Variants in EDEM3 observed in about 807,000 individuals in gnomAD.
EDEM3 encodes ER degradation-enhancing alpha-mannosidase-like protein 3.
EDEM3 carries 60 observed loss-of-function variants against 110.2 expected under a neutral mutation model. The observed-to-expected ratio is 0.54, with a 90% CI of 0.44 to 0.67. The LOEUF is 0.67. EDEM3 is among the 30% of genes least tolerant of loss of function. The pLI, the probability that EDEM3 is intolerant of heterozygous loss-of-function variation, is 0.00. For synonymous variants in EDEM3, 352 were observed against 382.9 expected (o/e 0.92, Z 0.94); for missense variants, 996 against 1,121.0 (o/e 0.89, Z 1.59).
chr1:184,730,636 T>C (rs1312158231), intron 6 of EDEM3, among the ~76,000 whole-genome samples: 1 of 152,148 alleles, frequency 6.6e-6, no homozygotes, highest in Non-Finnish European at 1.5e-5. Flanking sequence ...ATTTAAAATA[T>C]CAACTAGAAA....
intron 19 of EDEM3, chr1:184,701,389 T>G: frequency 2.2e-6 from 1 of 449,642 alleles, no homozygotes; most frequent in Non-Finnish European, 3.3e-6. Flanking sequence ...CAAGATATTA[T>G]CATGGTATCC....
intron 11 of EDEM3, among the ~76,000 whole-genome samples, chr1:184,718,475 A>G (rs1406030255): frequency 6.6e-6 from 1 of 152,056 alleles, no homozygotes; most frequent in Admixed American, 6.6e-5. Flanking sequence ...TCCAAAACAA[A>G]CACTTTAGGA....
At chr1:184,744,249 A>AAT (rs55959890) in intron 2 of EDEM3, among the ~76,000 whole-genome samples, 7,368 of 85,336 alleles carry the variant, frequency 0.086, 357 homozygotes, top group Non-Finnish European at 0.1. Context: ...ACAAATGACA[A>AAT]ATATATATAT....
chr1:184,704,543 C>A (rs1649803653), intron 18 of EDEM3, among the ~76,000 whole-genome samples: 1 of 144,386 alleles, frequency 6.9e-6, no homozygotes, highest in Non-Finnish European at 1.5e-5. Context: ...CCCAGCTACT[C>A]AGGAGGCTGA....
At position 184,700,998 on chromosome 1, in the gene EDEM3, T is replaced by G. The variant is rs577905795; in HGVS notation, c.2389+1813A>C. Among the ~76,000 whole-genome samples the G allele has an allele frequency of 1.7e-3, 266 of 152,106 alleles. 1 individual carries two copies. The highest frequency in any genetic ancestry group is 6.0e-3 in the African/African-American group (250 of 41,560). On this transcript the variant is annotated intron_variant, in intron 19 of 19. Coordinates refer to ENST00000318130, the MANE Select transcript of EDEM3 (RefSeq NM_025191.4). ...GACTAAAGTTTTCAAAAAATATCTT[T>G]TAAATAATGCCCTTTTAATGCAAGG...
intron 17 of EDEM3, 113 bp from the exon 18 acceptor site, chr1:184,706,921 A>T: frequency 9.2e-7 from 1 of 1,081,988 alleles, no homozygotes; most frequent in East Asian, 2.6e-5. Context: ...TTTTCTAATG[A>T]TAACGTATCT....
At chr1:184,729,038 G>T (rs907399101) in intron 6 of EDEM3, among the ~76,000 whole-genome samples, 1 of 152,154 alleles carries the variant, frequency 6.6e-6, no homozygotes, top group Non-Finnish European at 1.5e-5. Context: ...GGATCTAGGG[G>T]CTGGTAGATA....
chr1:184,752,977 A>C (rs183590534), intron 1 of EDEM3, among the ~76,000 whole-genome samples: 26 of 152,370 alleles, frequency 1.7e-4, no homozygotes, highest in African/African-American at 5.8e-4. Flanking sequence ...CATTAAATTC[A>C]TATGAGAGAA....
At chr1:184,752,943 A>G (rs1007075898) in intron 1 of EDEM3, among the ~76,000 whole-genome samples, 5 of 152,236 alleles carry the variant, frequency 3.3e-5, no homozygotes, top group African/African-American at 1.2e-4. Context: ...AGAGTGAGAT[A>G]TTTGGTAAAA....
chr1:184,706,997 C>G (rs1281608393), intron 17 of EDEM3, among the ~76,000 whole-genome samples, 189 bp from the exon 18 acceptor site: 1 of 152,146 alleles, frequency 6.6e-6, no homozygotes, highest in African/African-American at 2.4e-5. Flanking sequence ...ACCAATATTT[C>G]TAGTGTGCTT....
At chr1:184,719,709 TAA>T (rs1049193095) in intron 9 of EDEM3, 141 bp from the exon 10 acceptor site, 44 of 839,602 alleles carry the variant, frequency 5.2e-5, no homozygotes, top group Non-Finnish European at 6.5e-5. Flanking sequence ...TATAAATATT[TAA>T]GTTATTTTAG....
At chr1:184,733,218 C>T (rs571266479) in intron 5 of EDEM3, among the ~76,000 whole-genome samples, 3 of 152,120 alleles carry the variant, frequency 2.0e-5, no homozygotes, top group African/African-American at 7.2e-5. Context: ...AAGTGTTCTG[C>T]GTTCTTAAAT....
At chr1:184,737,941 TCC>T (rs1553274358) in intron 2 of EDEM3, among the ~76,000 whole-genome samples, 3 of 152,010 alleles carry the variant, frequency 2.0e-5, no homozygotes, top group Non-Finnish European at 4.4e-5. Flanking sequence ...CTGCTTCCCC[TCC>T]CCTCCCCAAT....
chr1:184,723,702 A>C (rs1297024086), intron 8 of EDEM3, 49 bp downstream of exon 8: 1 of 1,342,712 alleles, frequency 7.4e-7, no homozygotes, highest in Non-Finnish European at 1.0e-6. Context: ...TTATTTCCCA[A>C]CCATTTTGAG....
intron 2 of EDEM3, among the ~76,000 whole-genome samples, chr1:184,746,862 G>A (rs886371688): frequency 1.4e-4 from 21 of 152,252 alleles, no homozygotes; most frequent in Admixed American, 4.6e-4. Flanking sequence ...TTAAAAGCCT[G>A]CCATGTACCA....
intron 2 of EDEM3, among the ~76,000 whole-genome samples, chr1:184,743,007 T>A (rs1008072893): frequency 6.6e-6 from 1 of 152,174 alleles, no homozygotes; most frequent in Non-Finnish European, 1.5e-5. Flanking sequence ...CATACCTCTG[T>A]CTGAAATTAA....
intron 2 of EDEM3, among the ~76,000 whole-genome samples, chr1:184,739,322 AATTAAG>A (rs1362967342): frequency 6.7e-6 from 1 of 149,176 alleles, no homozygotes; most frequent in African/African-American, 2.4e-5. Context: ...TCATTAAAAT[AATTAAG>A]ATTAAAAGTA....
chr1:184,718,440 C>A (rs561007992), intron 11 of EDEM3, among the ~76,000 whole-genome samples: 27 of 152,166 alleles, frequency 1.8e-4, no homozygotes, highest in South Asian at 6.2e-4. Flanking sequence ...GTCCTACTCA[C>A]CCGAAGGCTA....
At position 184,744,661 on chromosome 1, in the gene EDEM3, C is replaced by A. The variant is rs930846066; in HGVS notation, c.204+4886G>T. Among the ~76,000 whole-genome samples the A allele has an allele frequency of 3.3e-5, 5 of 151,898 alleles. No individual in the cohort carries two copies. In the East Asian group the frequency reaches 9.6e-4, roughly 29 times the overall value. Reference sequence around the variant, plus strand: ...TAATAGCCAAAGACCAAAAATAAGTCAAATACTCATTAAATGGTGAATGGA... The same window carrying A: ...TAATAGCCAAAGACCAAAAATAAGTAAAATACTCATTAAATGGTGAATGGA... On this transcript the variant is annotated intron_variant, in intron 2 of 19. Coordinates refer to ENST00000318130, the MANE Select transcript of EDEM3 (RefSeq NM_025191.4).
Sources: gnomAD v4.1 joint callset for allele counts (sites outside exome capture counted in the v4.1 genomes callset) on GRCh38, gnomAD v4.1.1 for gene constraint, MANE v1.5 for transcripts, NCBI Gene and HGNC (gene_info 2026-07-23, HGNC 2026-07-21) for gene names.